The following MICU3 variants were observed in gnomAD, a reference collection of about 807,000 sequenced individuals.
MICU3 encodes the protein mitochondrial calcium uptake 3.
In MICU3, 62 loss-of-function variants were observed where a neutral mutation model predicts 66.5. The ratio of observed to expected loss-of-function variants is 0.93; its 90% CI spans 0.76 to 1.15. MICU3 has a LOEUF of 1.15. MICU3 is among the 50% of genes most tolerant of loss of function. The pLI, the probability that MICU3 is intolerant of heterozygous loss-of-function variation, is 0.00. For missense variants in MICU3, 779 were observed against 664.4 expected, an observed-to-expected ratio of 1.17 and a Z score of -1.90; for synonymous variants, 308 against 240.7, an observed-to-expected ratio of 1.28 and a Z score of -2.59.
At chr8:17,104,087 A>C (rs561812446) in intron 9 of MICU3, among the ~76,000 whole-genome samples, 1 of 152,044 alleles carries the variant, frequency 6.6e-6, no homozygotes, top group Admixed American at 6.6e-5. Context: ...GATTTCAATT[A>C]TTTTAGATAA....
the MICU3 span, among the ~76,000 whole-genome samples, chr8:17,136,398 G>C: frequency 6.6e-6 from 1 of 152,106 alleles, no homozygotes; most frequent in East Asian, 1.9e-4. Flanking sequence ...AGTTGGGTTG[G>C]GTTCATGGCC....
chr8:17,083,727 T>C (rs1048946057), intron 5 of MICU3, among the ~76,000 whole-genome samples: 1 of 152,048 alleles, frequency 6.6e-6, no homozygotes, highest in African/African-American at 2.4e-5. Context: ...TGCAAAGCCA[T>C]AGTAATGAAG....
At chr8:17,061,491 G>A (rs1817816338) in intron 1 of MICU3, among the ~76,000 whole-genome samples, 1 of 152,140 alleles carries the variant, frequency 6.6e-6, no homozygotes. Flanking sequence ...GGCATGTCAG[G>A]AGCAGTAGTA....
intron 1 of MICU3, among the ~76,000 whole-genome samples, chr8:17,029,828 G>T (rs1811712349): frequency 6.6e-6 from 1 of 152,066 alleles, no homozygotes; most frequent in Non-Finnish European, 1.5e-5. Context: ...TTTCTTTGAT[G>T]ATTTTTCTCT....
At chr8:17,029,798 T>C (rs1811707331) in intron 1 of MICU3, among the ~76,000 whole-genome samples, 1 of 152,228 alleles carries the variant, frequency 6.6e-6, no homozygotes, top group East Asian at 1.9e-4. Context: ...TAAAAAATTC[T>C]GTGTAATTTT....
At chr8:17,063,836 TCACTTCTC>T (rs993914691) in intron 1 of MICU3, among the ~76,000 whole-genome samples, 19 of 152,298 alleles carry the variant, frequency 1.2e-4, no homozygotes, top group African/African-American at 3.8e-4. Context: ...AAATCACAAA[TCACTTCTC>T]CAAAGTGCCA....
At chr8:17,041,083 C>G (rs1813987317) in intron 1 of MICU3, among the ~76,000 whole-genome samples, 5 of 152,110 alleles carry the variant, frequency 3.3e-5, no homozygotes, top group Admixed American at 3.3e-4. Flanking sequence ...GAGAGAAATC[C>G]TTACTATAGA....
intron 9 of MICU3, among the ~76,000 whole-genome samples, chr8:17,102,072 C>G (rs1302836268): frequency 2.6e-5 from 4 of 151,882 alleles, no homozygotes; most frequent in Admixed American, 2.6e-4. Flanking sequence ...TGCCTGGATT[C>G]AAAGCCAGCA....
downstream of MICU3, among the ~76,000 whole-genome samples, chr8:17,126,681 C>T (rs985526767): frequency 6.6e-6 from 1 of 152,132 alleles, no homozygotes; most frequent in Non-Finnish European, 1.5e-5. Flanking sequence ...GGGAATAAAT[C>T]ATGAAGGCTA....
At chr8:17,078,733 G>T (rs1319337337) in intron 4 of MICU3, among the ~76,000 whole-genome samples, 1 of 151,960 alleles carries the variant, frequency 6.6e-6, no homozygotes, top group Non-Finnish European at 1.5e-5. Context: ...AGTAGAATTA[G>T]AAAGTTCATA....
At chr8:17,034,959 A>G (rs1812724179) in intron 1 of MICU3, among the ~76,000 whole-genome samples, 1 of 152,208 alleles carries the variant, frequency 6.6e-6, no homozygotes, top group Non-Finnish European at 1.5e-5. Flanking sequence ...TTGAAGTGTA[A>G]TAACACACAT....
chr8:17,043,249 T>G (rs1455481073), intron 1 of MICU3, among the ~76,000 whole-genome samples: 3 of 152,134 alleles, frequency 2.0e-5, no homozygotes. Flanking sequence ...TCAAAGTGAT[T>G]TTTTTAACTG....
intron 4 of MICU3, among the ~76,000 whole-genome samples, chr8:17,080,800 A>G (rs893446562): frequency 6.6e-6 from 1 of 152,164 alleles, no homozygotes; most frequent in Non-Finnish European, 1.5e-5. Flanking sequence ...AACAAAGAAG[A>G]CAGCCTCAAA....
the MICU3 span, among the ~76,000 whole-genome samples, chr8:17,130,342 G>T: frequency 1.8e-4 from 28 of 152,202 alleles, no homozygotes; most frequent in Non-Finnish European, 1.3e-4. Flanking sequence ...TGGGCAACAT[G>T]GTAAAACCCC....
Position 17,075,623 on chromosome 8 carries a change from A to T in MICU3, c.568-2160A>T, listed in dbSNP as rs1820268929. 2.0e-5 allele frequency among the ~76,000 whole-genome samples: 3 copies of T among 152,216 alleles called. No individual in the cohort carries two copies. In the South Asian group the frequency reaches 6.2e-4, roughly 32 times the overall value. ...TAGAGGTCCTTAAAGTTAACAGAGA[A>T]GTCAAGATGAATGTGTTGATTGGAT... On this transcript the variant is annotated intron_variant, in intron 3 of 14. Coordinates refer to ENST00000318063, the MANE Select transcript of MICU3 (RefSeq NM_181723.3).
At chr8:17,099,378 T>G (rs2150797253) in intron 9 of MICU3, among the ~76,000 whole-genome samples, 1 of 151,914 alleles carries the variant, frequency 6.6e-6, no homozygotes, top group South Asian at 2.1e-4. Flanking sequence ...TAAATTTAAC[T>G]TTTAGAAGTT....
intron 4 of MICU3, among the ~76,000 whole-genome samples, chr8:17,080,804 C>T (rs578257980): frequency 6.6e-6 from 1 of 152,186 alleles, no homozygotes; most frequent in Admixed American, 6.5e-5. Context: ...AAGAAGACAG[C>T]CTCAAAGAAC....
chr8:17,104,942 C>T lies in MICU3; in HGVS notation c.1085+451C>T, dbSNP rs551440500. On this transcript the variant is annotated intron_variant, in intron 10 of 14. Coordinates refer to ENST00000318063, the MANE Select transcript of MICU3 (RefSeq NM_181723.3). ...CCCGGGAGGCGGAGCTTGCAGTGAG[C>T]CGAGATGGCGCCACTGCACTCCAGC... 7.7e-4 allele frequency among the ~76,000 whole-genome samples: 26 copies of T among 33,896 alleles called. 6 individuals are homozygous for T. The South Asian group carries it at 0.022, about 28-fold the overall frequency. The allele number at this position is 33,896 out of a possible 152,430, so 22.2% of individuals were successfully genotyped here.
intron 1 of MICU3, among the ~76,000 whole-genome samples, chr8:17,031,403 A>G (rs1052621654): frequency 6.6e-6 from 1 of 151,376 alleles, no homozygotes; most frequent in African/African-American, 2.4e-5. Flanking sequence ...CTTCCACCTC[A>G]GCCTCCCAAG....
Sources: gnomAD v4.1 joint callset for allele counts (sites outside exome capture counted in the v4.1 genomes callset) on GRCh38, gnomAD v4.1.1 for gene constraint, MANE v1.5 for transcripts, NCBI Gene and HGNC (gene_info 2026-07-23, HGNC 2026-07-21) for gene names.